MND1: variants seen among roughly 807,000 people sequenced by gnomAD.
The protein encoded by MND1 is meiotic nuclear division protein 1 homolog.
In MND1, 28 loss-of-function variants were observed where a neutral mutation model predicts 35.1. The ratio of observed to expected loss-of-function variants is 0.80; its 90% confidence interval spans 0.59 to 1.09. The LOEUF is 1.09. MND1 is among the 50% of genes least tolerant of loss of function. The probability of loss-of-function intolerance (pLI) is 0.00; values close to 1 mark genes in which losing one functional copy is unlikely to be tolerated. For synonymous variants in MND1, 69 were observed against 70.5 expected (o/e 0.98, Z 0.11); for missense variants, 213 against 239.6 (o/e 0.89, Z 0.73).
intron 6 of MND1, among the ~76,000 whole-genome samples, chr4:153,399,288 T>C (rs1729281386): frequency 6.6e-6 from 1 of 152,188 alleles, no homozygotes; most frequent in Non-Finnish European, 1.5e-5. Flanking sequence ...ATGGTCCCTA[T>C]TGTACTGCCA....
intron 4 of MND1, among the ~76,000 whole-genome samples, chr4:153,386,047 C>T (rs1004269510): frequency 4.6e-5 from 7 of 152,034 alleles, no homozygotes; most frequent in Admixed American, 6.5e-5. Context: ...TACCATCTTG[C>T]GTGGGATTTT....
chr4:153,397,381 A>C, intron 6 of MND1, 48 bp downstream of exon 6: 2 of 1,378,600 alleles, frequency 1.5e-6, no homozygotes, highest in African/African-American at 1.5e-5. Flanking sequence ...ATAATGAAGA[A>C]GACTTTATTT....
At chr4:153,380,801 C>CT (rs987508743) in intron 4 of MND1, among the ~76,000 whole-genome samples, 2 of 151,990 alleles carry the variant, frequency 1.3e-5, no homozygotes, top group African/African-American at 4.8e-5. Context: ...GGTAAATAAA[C>CT]TAAGATTTTT....
intron 7 of MND1, among the ~76,000 whole-genome samples, chr4:153,414,417 G>A (rs1418062742): frequency 6.6e-6 from 1 of 151,898 alleles, no homozygotes; most frequent in Non-Finnish European, 1.5e-5. Context: ...GAGTAGCTGG[G>A]ATTACAGGTG....
chr4:153,355,927 AAT>A (rs1227657435), intron 3 of MND1: 1 of 425,814 alleles, frequency 2.3e-6, no homozygotes, highest in Non-Finnish European at 4.2e-6. Flanking sequence ...TTACATTTTG[AAT>A]ATATATCCCT....
intron 4 of MND1, among the ~76,000 whole-genome samples, chr4:153,360,604 G>GTATA (rs1351117949): frequency 1.5e-4 from 19 of 128,520 alleles, no homozygotes; most frequent in African/African-American, 3.6e-4. Flanking sequence ...GTGTGTGTGT[G>GTATA]TGTATATATA....
At chr4:153,383,413 A>G (rs1728763375) in intron 4 of MND1, among the ~76,000 whole-genome samples, 1 of 152,240 alleles carries the variant, frequency 6.6e-6, no homozygotes, top group Non-Finnish European at 1.5e-5. Context: ...ACACCCACAA[A>G]GAACCCAGAA....
chr4:153,393,237 A>G (rs1345152178), intron 4 of MND1, among the ~76,000 whole-genome samples: 2 of 152,338 alleles, frequency 1.3e-5, no homozygotes, highest in Admixed American at 6.5e-5. Context: ...TACTTTAATA[A>G]GTGACAAATT....
At chr4:153,355,623 C>G (rs143016485) in intron 2 of MND1, 31 bp from the exon 3 acceptor site, 2 of 1,393,454 alleles carry the variant, frequency 1.4e-6, no homozygotes, top group South Asian at 2.4e-5. Flanking sequence ...TAAACACGTG[C>G]TTTTCATTTT....
At chr4:153,389,681 G>C (rs1359646473) in intron 4 of MND1, among the ~76,000 whole-genome samples, 3 of 152,050 alleles carry the variant, frequency 2.0e-5, no homozygotes, top group African/African-American at 7.2e-5. Context: ...TAAAAGTATA[G>C]GCTATCACCT....
intron 4 of MND1, among the ~76,000 whole-genome samples, chr4:153,392,773 T>A (rs781397066): frequency 3.6e-4 from 55 of 152,230 alleles, no homozygotes; most frequent in Middle Eastern, 3.2e-3. Flanking sequence ...TTTCCACATA[T>A]AACTTACCTA....
At chr4:153,354,436 G>A (rs963150874) in intron 2 of MND1, among the ~76,000 whole-genome samples, 8 of 152,160 alleles carry the variant, frequency 5.3e-5, no homozygotes, top group Admixed American at 3.3e-4. Flanking sequence ...AAGGTAATTC[G>A]TTCCTGTTAC....
At chr4:153,382,720 ATTTG>A (rs984556745) in intron 4 of MND1, among the ~76,000 whole-genome samples, 11 of 152,220 alleles carry the variant, frequency 7.2e-5, no homozygotes, top group Non-Finnish European at 2.9e-5. Flanking sequence ...TTAGCAAATA[ATTTG>A]TTTTATTTTA....
chr4:153,414,775 G>A lies in MND1; in HGVS notation c.536G>A (p.Trp179Ter). 1 of 1,532,638 alleles carries A rather than the reference G, an allele frequency of 6.5e-7. No homozygotes were observed. The highest frequency in any genetic ancestry group is 8.8e-7 in the Non-Finnish European group (1 of 1,130,466). 94.9% of individuals were successfully genotyped at this position (1,532,638 alleles called of 1,614,324 possible). Residue 179 changes from tryptophan to a stop codon, truncating the protein, a stop_gained, in exon 8 of 8, where the codon TGG (tryptophan) becomes TAG (stop). Coordinates refer to ENST00000240488, the MANE Select transcript of MND1 (RefSeq NM_032117.4). LOFTEE classifies it high-confidence loss of function. The part of the protein sequence containing the change: ...WTDNIFAIKS[W>*]AKRKFGFEEN... Reference sequence around the variant, plus strand: ...GATAACATATTCGCAATAAAATCTTGGGCCAAAAGAAAATTTGGGTTTGAA... The same window carrying A: ...GATAACATATTCGCAATAAAATCTTAGGCCAAAAGAAAATTTGGGTTTGAA...
In MND1 at chr4:153,389,426, T is replaced by C. The variant is rs1728960140; in HGVS notation, c.277-4836T>C. Among the ~76,000 whole-genome samples the C allele has an allele frequency of 2.0e-5, 3 of 152,208 alleles. No homozygotes were observed. In the South Asian group the frequency reaches 6.2e-4, roughly 31 times the overall value. ...CCCAGGCTGGAGTGCAGTAGTGCAA[T>C]CTTGGCTCACTGCAACCTCTGCCTC... is the stretch of plus-strand genomic sequence containing the variant. On this transcript the variant is annotated intron_variant, in intron 4 of 7. Transcript: ENST00000240488.
chr4:153,396,944 G>A (rs1037959498), intron 5 of MND1, among the ~76,000 whole-genome samples: 4 of 152,008 alleles, frequency 2.6e-5, no homozygotes, highest in Non-Finnish European at 5.9e-5. Context: ...GTTCTAACAT[G>A]AACCTCCCAC....
chr4:153,402,827 A>G (rs1371797287), intron 6 of MND1, among the ~76,000 whole-genome samples: 10 of 152,240 alleles, frequency 6.6e-5, no homozygotes, highest in African/African-American at 2.4e-4. Context: ...TTGTTGATGA[A>G]TAACAGTTGA....
chr4:153,353,991 A>G (rs1773282279), intron 2 of MND1, among the ~76,000 whole-genome samples: 1 of 152,230 alleles, frequency 6.6e-6, no homozygotes, highest in Admixed American at 6.5e-5. Context: ...AAGTGCTGGG[A>G]TTACAGGCGT....
chr4:153,405,128 G>T (rs945391232), intron 6 of MND1, among the ~76,000 whole-genome samples: 6 of 152,048 alleles, frequency 3.9e-5, no homozygotes, highest in Non-Finnish European at 7.4e-5. Context: ...TGCAGAAATT[G>T]GTAAGCTGAT....
Sources: gnomAD v4.1 joint callset for allele counts (sites outside exome capture counted in the v4.1 genomes callset) on GRCh38, gnomAD v4.1.1 for gene constraint, MANE v1.5 for transcripts, NCBI Gene and HGNC (gene_info 2026-07-23, HGNC 2026-07-21) for gene names.